ORC4: variants seen among roughly 807,000 people sequenced by gnomAD.
ORC4 encodes origin recognition complex, subunit 4 homolog.
A neutral mutation model predicts 63.9 loss-of-function variants in ORC4; 55 were observed. That is an observed-to-expected ratio of 0.86 (90% CI 0.69 to 1.08). The LOEUF is 1.08. Ranked by LOEUF, ORC4 falls within the 50% of genes least tolerant of loss-of-function variation. The pLI is 0.00. For missense variants in ORC4, 511 were observed against 504.4 expected (o/e 1.01, Z -0.13); for synonymous variants, 150 against 168.5 (o/e 0.89, Z 0.85).
At chr2:147,937,949 T>C (rs1688143544) in intron 13 of ORC4, 197 bp downstream of exon 13, 1 of 617,022 alleles carries the variant, frequency 1.6e-6, no homozygotes, top group African/African-American at 1.9e-5. Context: ...GAGGGCAGTA[T>C]ACCTCCACAA....
chr2:147,934,498 C>G lies in ORC4; in HGVS notation c.*1012G>C, dbSNP rs1687939108. The G allele has an allele frequency of 6.6e-6, 1 of 152,132 alleles. No homozygotes were observed. Among genetic ancestry groups the G allele is most frequent in the Admixed American group, 6.6e-5 (1 of 15,258 alleles). The allele number at this position is 152,132 out of a possible 1,614,324, so 9.4% of individuals were successfully genotyped here. On this transcript the variant is annotated 3_prime_UTR_variant, in exon 14 of 14. Transcript: ENST00000392857. ...TTTGGGAGTGCTTTTCCAGAAATCT[C>G]TGGTAGTCACGTCACTTCATGATGG...
At chr2:147,997,658 A>G (rs1452785965) in intron 1 of ORC4, among the ~76,000 whole-genome samples, 2 of 152,160 alleles carry the variant, frequency 1.3e-5, no homozygotes, top group Non-Finnish European at 2.9e-5. Context: ...TTAAATGTAT[A>G]AAAACATAGC....
intron 6 of ORC4, among the ~76,000 whole-genome samples, chr2:147,956,475 T>C (rs1407070888): frequency 2.6e-5 from 4 of 152,088 alleles, no homozygotes; most frequent in Non-Finnish European, 4.4e-5. Flanking sequence ...AATATACATA[T>C]ATATGTCTGT....
chr2:147,973,269 T>C (rs1690329010), intron 3 of ORC4, among the ~76,000 whole-genome samples, 179 bp downstream of exon 3: 1 of 152,214 alleles, frequency 6.6e-6, no homozygotes, highest in Admixed American at 6.5e-5. Flanking sequence ...ATTATGGAAA[T>C]ATTTGTATCT....
chr2:148,018,882 G>T (rs947260958), intron 1 of ORC4, among the ~76,000 whole-genome samples: 1 of 152,182 alleles, frequency 6.6e-6, no homozygotes, highest in East Asian at 1.9e-4. Flanking sequence ...AGCTTCTCAG[G>T]TGCCACAGAC....
chr2:147,950,655 C>A (rs1688902391), intron 8 of ORC4, among the ~76,000 whole-genome samples: 1 of 151,666 alleles, frequency 6.6e-6, no homozygotes. Context: ...ATCCCAGCTA[C>A]TCGGGAGGCT....
chr2:147,997,174 CTA>C (rs772061775), intron 1 of ORC4, among the ~76,000 whole-genome samples: 36 of 152,066 alleles, frequency 2.4e-4, no homozygotes, highest in Non-Finnish European at 4.7e-4. Flanking sequence ...ATGTTTCCAA[CTA>C]TATGATATTC....
chr2:148,003,744 T>A (rs1318013674), intron 1 of ORC4, among the ~76,000 whole-genome samples: 1 of 152,164 alleles, frequency 6.6e-6, no homozygotes, highest in East Asian at 1.9e-4. Flanking sequence ...CAACATAGTA[T>A]TGGAAGTTCT....
chr2:147,968,313 G>C lies in ORC4; in HGVS notation c.225+4426C>G, dbSNP rs556395285. On this transcript the variant is annotated intron_variant, in intron 4 of 13. Transcript: ENST00000392857. ...AAATCTGCTAACATCAAACTCAAAA[G>C]CTTCTGCATAGCAAGGGAAACAATC... 1.8e-4 allele frequency among the ~76,000 whole-genome samples: 28 copies of C among 152,142 alleles called. No individual in the cohort carries two copies. In the South Asian group the frequency reaches 5.6e-3, roughly 30 times the overall value.
chr2:147,937,236 G>A (rs1273918715), intron 13 of ORC4, among the ~76,000 whole-genome samples: 1 of 152,082 alleles, frequency 6.6e-6, no homozygotes, highest in Non-Finnish European at 1.5e-5. Flanking sequence ...TGGACTTGGG[G>A]AATCCACTGT....
At chr2:147,973,407 G>A in intron 3 of ORC4, 41 bp downstream of exon 3, 2 of 1,192,754 alleles carry the variant, frequency 1.7e-6, no homozygotes, top group African/African-American at 1.5e-5. Context: ...GAAGGCATCT[G>A]TAAGTAGGTC....
intron 8 of ORC4, among the ~76,000 whole-genome samples, chr2:147,950,678 T>C (rs1558836491): frequency 1.3e-5 from 2 of 151,698 alleles, no homozygotes; most frequent in South Asian, 2.1e-4. Flanking sequence ...GGCAGGAGAA[T>C]TGCTTGAACC....
intron 3 of ORC4, among the ~76,000 whole-genome samples, 155 bp downstream of exon 3, chr2:147,973,293 G>T (rs953812180): frequency 3.9e-5 from 6 of 152,146 alleles, no homozygotes; most frequent in African/African-American, 1.2e-4. Context: ...CCTGCTTCAT[G>T]CTATGTGGTG....
intron 1 of ORC4, among the ~76,000 whole-genome samples, chr2:147,979,862 G>A (rs1339583901): frequency 6.6e-6 from 1 of 152,060 alleles, no homozygotes; most frequent in Non-Finnish European, 1.5e-5. Flanking sequence ...TAGGAAAACT[G>A]GATATCCACA....
intron 1 of ORC4, among the ~76,000 whole-genome samples, chr2:148,000,833 G>C (rs1692256578): frequency 6.6e-6 from 1 of 152,084 alleles, no homozygotes; most frequent in East Asian, 1.9e-4. Context: ...ATGCTCAATG[G>C]TCGTATATGA....
intron 1 of ORC4, among the ~76,000 whole-genome samples, chr2:148,010,541 A>T (rs1191283422): frequency 6.6e-6 from 1 of 152,110 alleles, no homozygotes. Context: ...AATTCAAAGG[A>T]TCATTGGAGA....
chr2:147,955,260 T>A (rs2105306461), intron 7 of ORC4, 87 bp downstream of exon 7: 1 of 831,604 alleles, frequency 1.2e-6, no homozygotes, highest in East Asian at 2.6e-5. Context: ...CTTTTTTTTT[T>A]GGCAAAAGCT....
chr2:147,987,527 A>G (rs1484880426), intron 1 of ORC4, among the ~76,000 whole-genome samples: 2 of 152,036 alleles, frequency 1.3e-5, no homozygotes, highest in Non-Finnish European at 2.9e-5. Flanking sequence ...CAGCTGGATA[A>G]TCAAAAGTAC....
At chr2:147,960,489 C>G in intron 4 of ORC4, 2 of 390,204 alleles carry the variant, frequency 5.1e-6, no homozygotes, top group Non-Finnish European at 7.0e-6. Context: ...ATTAATATCA[C>G]ACTGACCAAC....
Sources: allele counts gnomAD v4.1 joint callset (sites outside exome capture counted in the v4.1 genomes callset), GRCh38; gene constraint gnomAD v4.1.1; transcripts MANE v1.5; gene names NCBI Gene and HGNC (gene_info 2026-07-23, HGNC 2026-07-21).